AHSA1: variants seen among roughly 807,000 people sequenced by gnomAD.
AHSA1 encodes the protein activator of HSP90 ATPase activity 1, also known as activator of 90 kDa heat shock protein ATPase homolog 1.
Under a neutral mutation model 46.1 loss-of-function variants are expected in AHSA1, and 14 were observed. The ratio of observed to expected loss-of-function variants is 0.30; its 90% CI spans 0.20 to 0.47. The LOEUF is 0.47. Ranked by LOEUF, AHSA1 falls within the 20% of genes least tolerant of loss-of-function variation. The pLI is 0.99. For synonymous variants in AHSA1, 147 were observed against 145.8 expected, an observed-to-expected ratio of 1.01 and a Z score of -0.06; for missense variants, 333 against 415.9, an observed-to-expected ratio of 0.80 and a Z score of 1.73.
intron 3 of AHSA1, 170 bp downstream of exon 3, chr14:77,462,412 T>C: frequency 1.4e-6 from 1 of 732,184 alleles, no homozygotes; most frequent in Non-Finnish European, 2.3e-6. Flanking sequence ...TCTAGAGCAA[T>C]TTGCACTTCT....
Position 77,462,160 on chromosome 14 carries a change from G to C in AHSA1, c.272G>C (p.Gly91Ala). Residue 91 changes from glycine to alanine, a missense_variant and splice_region_variant, in exon 3 of 9, where the codon GGT becomes GCT. By Grantham distance (60) the Gly-to-Ala change is moderately conservative. Transcript: ENST00000216479. Reference sequence around the variant, plus strand: ...AATGACATTGCATTGGTTTTGACAGGTACTTCTAAGTCAGGAGTACAATAC... The same window carrying C: ...AATGACATTGCATTGGTTTTGACAGCTACTTCTAAGTCAGGAGTACAATAC... ...YEWSVKLNWT[G>A]TSKSGVQYKG... The C allele has an allele frequency of 6.2e-7, 1 of 1,608,146 alleles. No homozygotes were observed. Among genetic ancestry groups the C allele is most frequent in the Non-Finnish European group, 8.5e-7 (1 of 1,174,516 alleles).
In AHSA1 at chr14:77,468,073, TTCCC is replaced by T; in HGVS notation, c.691-8_691-5del. 3.6e-6 allele frequency: 5 copies of T among 1,379,556 alleles called. No individual in the cohort carries two copies. Among genetic ancestry groups the T allele is most frequent in the Admixed American group, 2.9e-5 (1 of 34,000 alleles). 85.5% of individuals were successfully genotyped at this position (1,379,556 alleles called of 1,614,324 possible). On this transcript the variant is annotated splice_region_variant and splice_polypyrimidine_tract_variant and intron_variant, in intron 6 of 8. Coordinates refer to ENST00000216479, the MANE Select transcript of AHSA1 (RefSeq NM_012111.3). ...CCTCTTTTTTTTTTTTTTTTTTTTT[TTCCC>T]TGCAGCTGGTGCAGGCCTTTACCCA...
chr14:77,462,454 T>G, intron 3 of AHSA1, 188 bp from the exon 4 acceptor site: 1 of 727,978 alleles, frequency 1.4e-6, no homozygotes, highest in Non-Finnish European at 2.3e-6. Context: ...GTGACATGGG[T>G]TCTAACTAAC....
intron 1 of AHSA1, among the ~76,000 whole-genome samples, chr14:77,458,526 C>A (rs893500411): frequency 1.3e-5 from 2 of 152,228 alleles, no homozygotes; most frequent in Non-Finnish European, 2.9e-5. Flanking sequence ...TAGGAGATAA[C>A]GCCCTGGCTG....
chr14:77,465,392 A>G, intron 5 of AHSA1, 147 bp from the exon 6 acceptor site: 3 of 883,878 alleles, frequency 3.4e-6, no homozygotes, highest in Admixed American at 3.1e-5. Flanking sequence ...ACACCTACAC[A>G]CTCAAATTCC....
At chr14:77,462,067 A>G in intron 2 of AHSA1, 93 bp from the exon 3 acceptor site, 1 of 895,398 alleles carries the variant, frequency 1.1e-6, no homozygotes, top group South Asian at 1.5e-5. Context: ...TCAGCCATCC[A>G]AAAGCAGCAG....
chr14:77,462,275 C>G (rs780493970), intron 3 of AHSA1, 33 bp downstream of exon 3: 1 of 1,567,092 alleles, frequency 6.4e-7, no homozygotes. Flanking sequence ...TCCGAGTCCT[C>G]TATATCCTCT....
intron 5 of AHSA1, 31 bp from the exon 6 acceptor site, chr14:77,465,508 G>C: frequency 2.5e-6 from 4 of 1,610,886 alleles, no homozygotes; most frequent in Non-Finnish European, 3.4e-6. Context: ...TCATTACTCT[G>C]TATTGATCAT....
At position 77,462,622 on chromosome 14, in the gene AHSA1, A is replaced by G. The variant is rs879795313; in HGVS notation, c.355-20A>G. ...GTGCCCCTCAAGTTATTTACCACCT[A>G]CTTCTCATCTTTCACCCAGATTAGT... On this transcript the variant is annotated intron_variant, in intron 3 of 8. Transcript: ENST00000216479. The G allele has an allele frequency of 9.9e-6, 16 of 1,610,204 alleles. No individual in the cohort carries two copies. Among genetic ancestry groups the G allele is most frequent in the Non-Finnish European group, 1.4e-5 (16 of 1,176,580 alleles).
chr14:77,462,342 C>A, intron 3 of AHSA1, 100 bp downstream of exon 3: 2 of 1,224,728 alleles, frequency 1.6e-6, no homozygotes, highest in Non-Finnish European at 2.4e-6. Flanking sequence ...AGGCTTGGTC[C>A]AAGCATTCAG....
intron 7 of AHSA1, 62 bp from the exon 8 acceptor site, chr14:77,468,395 T>C (rs1265688281): frequency 6.7e-7 from 1 of 1,488,924 alleles, no homozygotes; most frequent in African/African-American, 1.4e-5. Flanking sequence ...AGATGACTGA[T>C]CCTAGCTAGG....
chr14:77,458,021 G>T, upstream of AHSA1: 1 of 561,002 alleles, frequency 1.8e-6, no homozygotes, highest in South Asian at 2.4e-5. Flanking sequence ...GTGGGAGTGG[G>T]GAGGAGCCGG....
chr14:77,466,193 G>C (rs1356951297), intron 6 of AHSA1: 2 of 152,450 alleles, frequency 1.3e-5, no homozygotes, highest in African/African-American at 4.8e-5. Context: ...CCAGACTAAC[G>C]TTGAACTTCT....
intron 4 of AHSA1, 191 bp downstream of exon 4, chr14:77,462,950 G>A (rs528914179): frequency 1.9e-6 from 1 of 523,990 alleles, no homozygotes; most frequent in Admixed American, 3.1e-5. Flanking sequence ...TAATAATGAT[G>A]GTTGAGCATT....
chr14:77,464,609 G>A lies in AHSA1; in HGVS notation c.484G>A (p.Gly162Ser). ...ISTLKTEFTQ[G>S]MILPTMNGES... The stretch of plus-strand genomic sequence containing the variant: ...TTTTATCTTTTCAGAGTTCACCCAG[G>A]GCATGATCTTACCTACAATGAATGG... Residue 162 changes from glycine to serine, a missense_variant, in exon 5 of 9, where the codon GGC (glycine) becomes AGC (serine). Physicochemically the swap from Gly to Ser is moderately conservative, Grantham distance 56. Coordinates refer to ENST00000216479, the MANE Select transcript of AHSA1 (RefSeq NM_012111.3). 3.1e-6 allele frequency: 5 copies of A among 1,613,604 alleles called. No individual in the cohort carries two copies. The highest frequency in any genetic ancestry group is 4.2e-6 in the Non-Finnish European group (5 of 1,179,840).
In AHSA1 at chr14:77,469,303, G is replaced by C; in HGVS notation, c.*54G>C. 1 of 1,584,202 alleles carries C rather than the reference G, an allele frequency of 6.3e-7. No individual in the cohort carries two copies. The highest frequency in any genetic ancestry group is 8.6e-7 in the Non-Finnish European group (1 of 1,162,988). ...GGACACTTCAGTCCAGCTCTCTCCT[G>C]ACTGGGGCTTGCGACTCACAGGATT... is the stretch of plus-strand genomic sequence containing the variant. On this transcript the variant is annotated 3_prime_UTR_variant, in exon 9 of 9. Coordinates refer to ENST00000216479, the MANE Select transcript of AHSA1 (RefSeq NM_012111.3).
At chr14:77,468,598 TG>T in intron 8 of AHSA1, 90 bp downstream of exon 8, 1 of 1,200,724 alleles carries the variant, frequency 8.3e-7, no homozygotes, top group African/African-American at 1.6e-5. Context: ...AGGGTCTCAC[TG>T]TCACTCAGGC....
intron 3 of AHSA1, 21 bp downstream of exon 3, chr14:77,462,263 A>C: frequency 1.3e-6 from 2 of 1,595,366 alleles, no homozygotes; most frequent in Non-Finnish European, 1.7e-6. Flanking sequence ...CATAACTCCT[A>C]ATCCGAGTCC....
chr14:77,464,589 T>A lies in AHSA1; in HGVS notation c.473-9T>A, dbSNP rs535210725. 1 of 1,608,706 alleles carries A rather than the reference T, an allele frequency of 6.2e-7. No individual in the cohort carries two copies. The highest frequency in any genetic ancestry group is 8.5e-7 in the Non-Finnish European group (1 of 1,178,250). On this transcript the variant is annotated splice_polypyrimidine_tract_variant and intron_variant, in intron 4 of 8. Transcript: ENST00000216479. The stretch of plus-strand genomic sequence containing the variant: ...GTAACTTCCATGAGCTGGAATTTTA[T>A]CTTTTCAGAGTTCACCCAGGGCATG...
Sources: allele counts gnomAD v4.1 joint callset (sites outside exome capture counted in the v4.1 genomes callset), GRCh38; gene constraint gnomAD v4.1.1; transcripts MANE v1.5; gene names NCBI Gene and HGNC (gene_info 2026-07-23, HGNC 2026-07-21).